Variants in SLC43A2 observed in about 807,000 individuals in gnomAD.
SLC43A2 encodes the protein solute carrier family 43 member 2, also known as large neutral amino acids transporter small subunit 4.
Under a neutral mutation model 63.2 loss-of-function variants are expected in SLC43A2, and 38 were observed. That is an observed-to-expected ratio of 0.60 (90% CI 0.46 to 0.79). The LOEUF is 0.79. Ranked by LOEUF, SLC43A2 falls within the 30% of genes least tolerant of loss-of-function variation. The probability of loss-of-function intolerance (pLI) is 0.00; values close to 1 mark genes in which losing one functional copy is unlikely to be tolerated. For missense variants in SLC43A2, 644 were observed against 756.2 expected, an observed-to-expected ratio of 0.85 and a Z score of 1.74; for synonymous variants, 322 against 331.0, an observed-to-expected ratio of 0.97 and a Z score of 0.30.
chr17:1,582,197 A>G (rs2076029704), intron 11 of SLC43A2, among the ~76,000 whole-genome samples: 1 of 151,198 alleles, frequency 6.6e-6, no homozygotes, highest in Non-Finnish European at 1.5e-5. Flanking sequence ...CTCCTGCCTC[A>G]GCCTCCCGAG....
intron 9 of SLC43A2, chr17:1,586,928 T>TCCC: frequency 4.1e-6 from 5 of 1,232,912 alleles, no homozygotes; most frequent in Admixed American, 4.5e-5. Flanking sequence ...TCCCTGACAA[T>TCCC]CCCCCCCACC....
chr17:1,595,280 CA>C (rs200256211), intron 5 of SLC43A2, among the ~76,000 whole-genome samples: 16,953 of 132,980 alleles, frequency 0.13, 1,527 homozygotes, highest in Admixed American at 0.33. Context: ...GACTCTGTGT[CA>C]AAAAAAAAAA....
chr17:1,589,842 A>T (rs1483542741), intron 9 of SLC43A2, among the ~76,000 whole-genome samples: 2 of 152,084 alleles, frequency 1.3e-5, no homozygotes, highest in African/African-American at 4.8e-5. Flanking sequence ...GCTGGTCTTG[A>T]ACTCCTGACC....
At chr17:1,584,163 G>C (rs951303391) in intron 10 of SLC43A2, among the ~76,000 whole-genome samples, 1 of 152,052 alleles carries the variant, frequency 6.6e-6, no homozygotes, top group Non-Finnish European at 1.5e-5. Flanking sequence ...AAAGTGCTGG[G>C]ATTACAGGTG....
intron 5 of SLC43A2, among the ~76,000 whole-genome samples, chr17:1,600,584 C>T (rs1359931130): frequency 4.4e-5 from 5 of 113,654 alleles, no homozygotes; most frequent in Non-Finnish European, 8.7e-5. Flanking sequence ...GACATGGTCT[C>T]GCTCTGTCAT....
Position 1,613,267 on chromosome 17 carries a change from G to A in SLC43A2, c.429C>T (p.Leu143=), listed in dbSNP as rs527869767. The change falls in exon 5 of 14, where the codon CTC becomes CTT. Residue 143 remains leucine (L), a synonymous_variant. Transcript: ENST00000301335. ...IAYGASKPNA[L]SVLIFIALAL... ...CCAGGGCGATGAAGATGAGCACGGA[G>A]AGAGCTGCAGGGACATGGAAAGCTC... 99 of 1,614,114 alleles carry A rather than the reference G, an allele frequency of 6.1e-5. 1 individual carries two copies. The South Asian group carries it at 1.0e-3, about 17-fold the overall frequency.
chr17:1,608,262 C>T (rs1567638335), intron 5 of SLC43A2, among the ~76,000 whole-genome samples: 1 of 152,274 alleles, frequency 6.6e-6, no homozygotes, highest in East Asian at 1.9e-4. Context: ...TTAGACAGAC[C>T]TCTGGTAGCC....
chr17:1,575,864 G>T, intron 13 of SLC43A2, 99 bp from the exon 14 acceptor site: 1 of 1,357,430 alleles, frequency 7.4e-7, no homozygotes, highest in African/African-American at 1.5e-5. Context: ...GAAGGTCACG[G>T]GGTGGAAGGG....
In SLC43A2 at chr17:1,593,107, T is replaced by C; in HGVS notation, c.594+80A>G. 1 of 1,407,888 alleles carries C rather than the reference T, an allele frequency of 7.1e-7. No homozygotes were observed. Among genetic ancestry groups the C allele is most frequent in the Non-Finnish European group, 9.9e-7 (1 of 1,012,950 alleles). The allele number at this position is 1,407,888 out of a possible 1,614,324, so 87.2% of individuals were successfully genotyped here. A position where few individuals can be genotyped will look rare whatever the true frequency, so the allele number is the denominator to read the frequency against. ...GAGGGGCCACCCCGGGTGCCCACAA[T>C]TGCCTCCCTCTTCAGAGAGGGTGGA... On this transcript the variant is annotated intron_variant, in intron 6 of 13. Coordinates refer to ENST00000301335, the MANE Select transcript of SLC43A2 (RefSeq NM_152346.3). The surrounding 1 kb of genome is among the most constrained non-coding windows in gnomAD (Gnocchi z 5.3).
chr17:1,578,352 T>C lies in SLC43A2; in HGVS notation c.1351-29A>G. The C allele has an allele frequency of 6.2e-7, 1 of 1,608,828 alleles. No individual in the cohort carries two copies. ...GGGGAGGAAAAGGCGACTGTGGGCA[T>C]AAGGCCTTAAGGGACCGTCCCCTCA... On this transcript the variant is annotated intron_variant, in intron 11 of 13. Coordinates refer to ENST00000301335, the MANE Select transcript of SLC43A2 (RefSeq NM_152346.3). This position sits in a 1 kb window ranked among gnomAD's most constrained non-coding sequence, Gnocchi z 6.5.
chr17:1,598,038 C>T (rs12944516), intron 5 of SLC43A2, among the ~76,000 whole-genome samples: 60,617 of 152,090 alleles, frequency 0.4, 13,444 homozygotes, highest in Admixed American at 0.59. Context: ...GCCATATCTA[C>T]CCCAGTGAGA....
Position 1,577,809 on chromosome 17 carries a change from G to A in SLC43A2, c.1424+441C>T, listed in dbSNP as rs549870156. Among the ~76,000 whole-genome samples the A allele has an allele frequency of 7.2e-5, 11 of 152,190 alleles. No individual in the cohort carries two copies. Among genetic ancestry groups the A allele is most frequent in the East Asian group, 1.9e-4 (1 of 5,194 alleles). Reference sequence around the variant, plus strand: ...GCGCACTGAGGCTCTGGATGGGCCCGTCTGGTGTATTCTGGACTCAGTCAC... The same window carrying A: ...GCGCACTGAGGCTCTGGATGGGCCCATCTGGTGTATTCTGGACTCAGTCAC... On this transcript the variant is annotated intron_variant, in intron 12 of 13. Coordinates refer to ENST00000301335, the MANE Select transcript of SLC43A2 (RefSeq NM_152346.3). The surrounding 1 kb of genome is among the most constrained non-coding windows in gnomAD (Gnocchi z 4.9).
At chr17:1,615,984 C>T (rs140136712) in intron 3 of SLC43A2, among the ~76,000 whole-genome samples, 5,037 of 142,022 alleles carry the variant, frequency 0.035, 283 homozygotes, top group African/African-American at 0.12. Context: ...CAGAGGTTGC[C>T]GTGAGCCGAG....
intron 2 of SLC43A2, 60 bp downstream of exon 2, chr17:1,627,655 C>CCCCCCCCCCCCCAA: frequency 1.5e-6 from 1 of 665,284 alleles, no homozygotes; most frequent in Non-Finnish European, 2.3e-6. Context: ...CGCCCCCATC[C>CCCCCCCCCCCCCAA]CGCCCCCTCC....
Position 1,613,234 on chromosome 17 carries a change from A to G in SLC43A2, c.462T>C (p.Asn154=). The change falls in exon 5 of 14, where the codon AAT becomes AAC. Residue 154 remains asparagine (N), a synonymous_variant. Coordinates refer to ENST00000301335, the MANE Select transcript of SLC43A2 (RefSeq NM_152346.3). ...AGGTCATACACATCCCACCAAAGCC[A>G]TTCAGAGCCAGGGCGATGAAGATGA... ...SVLIFIALAL[N]GFGGMCMTFT... is the part of the protein sequence containing the mutation. 2 of 1,614,148 alleles carry G rather than the reference A, an allele frequency of 1.2e-6. No homozygotes were observed. The highest frequency in any genetic ancestry group is 1.7e-6 in the Non-Finnish European group (2 of 1,180,026).
intron 2 of SLC43A2, among the ~76,000 whole-genome samples, chr17:1,620,552 A>C (rs1908060383): frequency 6.6e-6 from 1 of 152,148 alleles, no homozygotes; most frequent in Admixed American, 6.5e-5. Flanking sequence ...TTCTCGTCTT[A>C]AACAAATCCC....
In SLC43A2 at chr17:1,599,282, A is replaced by G. The variant is rs111541163; in HGVS notation, c.502-6003T>C. 9.3e-3 allele frequency among the ~76,000 whole-genome samples: 1,392 copies of G among 150,144 alleles called. 11 individuals carry two copies. Among genetic ancestry groups the G allele is most frequent in the East Asian group, 0.011 (53 of 4,990 alleles). On this transcript the variant is annotated intron_variant, in intron 5 of 13. Coordinates refer to ENST00000301335, the MANE Select transcript of SLC43A2 (RefSeq NM_152346.3). ...TTGAACCCAGGGGGCAGAGGTTGCA[A>G]TGAGCCAAGATCATGCCACTGCACT...
chr17:1,621,370 C>T (rs1377397710), intron 2 of SLC43A2, among the ~76,000 whole-genome samples: 1 of 152,112 alleles, frequency 6.6e-6, no homozygotes, highest in Admixed American at 6.6e-5. Flanking sequence ...GCTTTCCGAG[C>T]CCCCCCTCCA....
At position 1,569,880 on chromosome 17, in the gene SLC43A2, C is replaced by CTTTTTTTTT. The variant is rs10711247; in HGVS notation, c.*5715_*5723dup. On this transcript the variant is annotated 3_prime_UTR_variant, in exon 14 of 14. Transcript: ENST00000301335. ...GTGGGGTCAGCAGATACAGACCTTA[C>CTTTTTTTTT]TTTTTTTTTTTTTTTTTTTTTTTTT... is the stretch of plus-strand genomic sequence containing the variant. 1.1e-5 allele frequency: 1 copy of CTTTTTTTTT among 88,368 alleles called. No individual in the cohort carries two copies. Among genetic ancestry groups the CTTTTTTTTT allele is most frequent in the Non-Finnish European group, 2.2e-5 (1 of 44,786 alleles). 5.5% of individuals were successfully genotyped at this position (88,368 alleles called of 1,614,324 possible). A position where few individuals can be genotyped will look rare whatever the true frequency, so the allele number is the denominator to read the frequency against.
Sources: allele counts gnomAD v4.1 joint callset (sites outside exome capture counted in the v4.1 genomes callset), GRCh38; gene constraint gnomAD v4.1.1; non-coding constraint Gnocchi (gnomAD v3.1); transcripts MANE v1.5; gene names NCBI Gene and HGNC (gene_info 2026-07-23, HGNC 2026-07-21).